Variants in PIGL observed in about 807,000 individuals in gnomAD.
PIGL encodes N-acetylglucosaminyl-phosphatidylinositol de-N-acetylase.
In PIGL, 22 loss-of-function variants were observed where a neutral mutation model predicts 31.1. That is an observed-to-expected ratio of 0.71 (90% CI 0.51 to 1.01). The LOEUF (loss-of-function observed/expected upper bound fraction) is 1.01, where lower values mean the gene tolerates loss of function less well. Ranked by LOEUF, PIGL falls within the 50% of genes least tolerant of loss-of-function variation. The probability of loss-of-function intolerance (pLI) is 0.00; values close to 1 mark genes in which losing one functional copy is unlikely to be tolerated. For missense variants in PIGL, 302 were observed against 315.9 expected, an observed-to-expected ratio of 0.96 and a Z score of 0.33; for synonymous variants, 131 against 117.4, an observed-to-expected ratio of 1.12 and a Z score of -0.75.
At chr17:16,254,577 ATTTT>A (rs2092785978) in intron 2 of PIGL, among the ~76,000 whole-genome samples, 1 of 146,090 alleles carries the variant, frequency 6.8e-6, no homozygotes, top group South Asian at 2.2e-4. Context: ...ATATACATGA[ATTTT>A]TTTGTTTGTT....
At chr17:16,249,897 TA>T (rs2092763537) in intron 2 of PIGL, among the ~76,000 whole-genome samples, 3 of 152,220 alleles carry the variant, frequency 2.0e-5, no homozygotes, top group Non-Finnish European at 4.4e-5. Flanking sequence ...AATAATCCTT[TA>T]CCAGTTCTCT....
At chr17:16,302,361 T>A (rs771469633) in intron 3 of PIGL, among the ~76,000 whole-genome samples, 1 of 152,128 alleles carries the variant, frequency 6.6e-6, no homozygotes, top group Non-Finnish European at 1.5e-5. Context: ...GCCTTGGTTC[T>A]CTTACTCCTC....
chr17:16,312,474 C>T (rs971085097), intron 3 of PIGL: 420 of 142,120 alleles, frequency 3.0e-3, no homozygotes, highest in South Asian at 0.025. Context: ...ACATCCCAGA[C>T]GATGGGTGGC....
chr17:16,271,395 A>T (rs907840005), intron 2 of PIGL, among the ~76,000 whole-genome samples: 2 of 152,238 alleles, frequency 1.3e-5, no homozygotes, highest in African/African-American at 4.8e-5. Flanking sequence ...TTGTGGTTCA[A>T]TAAACAGAAT....
intron 1 of PIGL, among the ~76,000 whole-genome samples, chr17:16,219,816 G>T (rs1440890113): frequency 6.6e-6 from 1 of 151,782 alleles, no homozygotes; most frequent in African/African-American, 2.4e-5. Flanking sequence ...ACCCACCTCG[G>T]CCTCCCAAAG....
intron 1 of PIGL, among the ~76,000 whole-genome samples, chr17:16,226,319 T>C (rs987218317): frequency 3.9e-5 from 6 of 152,148 alleles, no homozygotes; most frequent in Non-Finnish European, 8.8e-5. Context: ...GGCTGTCAGC[T>C]GGGGACTTTG....
intron 2 of PIGL, among the ~76,000 whole-genome samples, chr17:16,273,006 C>T (rs562486413): frequency 5.3e-5 from 8 of 152,212 alleles, no homozygotes; most frequent in Non-Finnish European, 1.2e-4. Flanking sequence ...ACATGGGTTT[C>T]ACTTTGTTTC....
intron 3 of PIGL, chr17:16,312,927 A>AGGGGGGG: frequency 8.6e-6 from 1 of 116,628 alleles, no homozygotes; most frequent in South Asian, 2.6e-4. Context: ...GGGGAGGGGG[A>AGGGGGGG]AGGGGGGGGG....
At chr17:16,305,232 T>C (rs1247007443) in intron 3 of PIGL, among the ~76,000 whole-genome samples, 1 of 152,030 alleles carries the variant, frequency 6.6e-6, no homozygotes, top group African/African-American at 2.4e-5. Context: ...GCAGTGAGCA[T>C]GATCACGTCA....
Position 16,317,651 on chromosome 17 carries a change from G to A in PIGL, c.527-124G>A, listed in dbSNP as rs141490597. The A allele has an allele frequency of 4.4e-4, 665 of 1,515,334 alleles. 8 individuals carry two copies. In the East Asian group the frequency reaches 0.014, roughly 31 times the overall value. 93.9% of individuals were successfully genotyped at this position (1,515,334 alleles called of 1,614,324 possible). A position where few individuals can be genotyped will look rare whatever the true frequency, so the allele number is the denominator to read the frequency against. On this transcript the variant is annotated intron_variant, in intron 5 of 6. Transcript: ENST00000225609. ...GGCAGCTTTAGTGCCACAGAAACACGTGGCAATGCTGTGGCCACTGTCCTG... is the reference window on the plus strand; with the variant it reads ...GGCAGCTTTAGTGCCACAGAAACACATGGCAATGCTGTGGCCACTGTCCTG...
intron 3 of PIGL, among the ~76,000 whole-genome samples, chr17:16,310,687 C>T (rs2142856806): frequency 6.6e-6 from 1 of 152,240 alleles, no homozygotes; most frequent in African/African-American, 2.4e-5. Context: ...CAGGTGCCCA[C>T]CACCACGCCC....
chr17:16,299,078 C>G (rs897519748), intron 2 of PIGL, among the ~76,000 whole-genome samples: 1 of 151,414 alleles, frequency 6.6e-6, no homozygotes, highest in Non-Finnish European at 1.5e-5. Flanking sequence ...TGTGGTGGCA[C>G]GTACCTGTAA....
intron 2 of PIGL, among the ~76,000 whole-genome samples, chr17:16,272,197 C>T (rs960643184): frequency 6.6e-6 from 1 of 152,214 alleles, no homozygotes; most frequent in Non-Finnish European, 1.5e-5. Flanking sequence ...AATTTCCACT[C>T]ACTCCATTGC....
chr17:16,293,421 G>T (rs1304949372), intron 2 of PIGL, among the ~76,000 whole-genome samples: 2 of 152,318 alleles, frequency 1.3e-5, no homozygotes, highest in Admixed American at 1.3e-4. Flanking sequence ...CCAGCTACTC[G>T]GGTGGCTGAG....
intron 2 of PIGL, among the ~76,000 whole-genome samples, chr17:16,298,035 T>G (rs1204864546): frequency 6.6e-6 from 1 of 152,120 alleles, no homozygotes; most frequent in Admixed American, 6.6e-5. Context: ...GGATCTAGGT[T>G]GCACGCCCCT....
At position 16,288,614 on chromosome 17, in the gene PIGL, A is replaced by T. The variant is rs143227604; in HGVS notation, c.336-11274A>T. On this transcript the variant is annotated intron_variant, in intron 2 of 6. Transcript: ENST00000225609. Reference sequence around the variant, plus strand: ...GAGTGCAATGGCGCGATCTTGGCTCACCGCAACCTCTGCCTCCTAGGTTCA... The same window carrying T: ...GAGTGCAATGGCGCGATCTTGGCTCTCCGCAACCTCTGCCTCCTAGGTTCA... Among the ~76,000 whole-genome samples the T allele has an allele frequency of 6.9e-3, 1,043 of 150,496 alleles. 6 individuals are homozygous for T. Among genetic ancestry groups the T allele is most frequent in the Non-Finnish European group, 0.01 (705 of 67,830 alleles).
At chr17:16,290,623 A>G (rs1208266165) in intron 2 of PIGL, among the ~76,000 whole-genome samples, 9 of 151,948 alleles carry the variant, frequency 5.9e-5, no homozygotes, top group African/African-American at 9.7e-5. Flanking sequence ...GGCCCAAGCA[A>G]TTCTCCCTCC....
At chr17:16,322,267 T>C (rs570445895) in intron 6 of PIGL, among the ~76,000 whole-genome samples, 1,586 of 152,116 alleles carry the variant, frequency 0.01, 31 homozygotes, top group African/African-American at 0.037. Flanking sequence ...CTAATTTTTG[T>C]ATTTTTAGTA....
intron 3 of PIGL, among the ~76,000 whole-genome samples, chr17:16,312,070 G>A (rs1204474357): frequency 6.9e-6 from 1 of 144,574 alleles, no homozygotes; most frequent in Non-Finnish European, 1.5e-5. Context: ...GGACGGGGTG[G>A]CTGGCCGGGT....
Sources: allele counts gnomAD v4.1 joint callset (sites outside exome capture counted in the v4.1 genomes callset), GRCh38; gene constraint gnomAD v4.1.1; transcripts MANE v1.5; gene names NCBI Gene and HGNC (gene_info 2026-07-23, HGNC 2026-07-21).